PRKN: variants seen among roughly 807,000 people sequenced by gnomAD.
PRKN encodes the protein parkin RBR E3 ubiquitin protein ligase.
A neutral mutation model predicts 59.5 loss-of-function variants in PRKN; 56 were observed. That is an observed-to-expected ratio of 0.94 (90% confidence interval 0.76 to 1.18). PRKN has a LOEUF of 1.18. Ranked by LOEUF, PRKN falls within the 50% of genes most tolerant of loss-of-function variation. The probability of loss-of-function intolerance (pLI) is 0.00; values close to 1 mark genes in which losing one functional copy is unlikely to be tolerated. For missense variants in PRKN, 657 were observed against 596.4 expected (o/e 1.10, Z -1.06); for synonymous variants, 250 against 222.1 (o/e 1.13, Z -1.12).
chr6:162,077,405 C>T (rs1395923857), intron 4 of PRKN, among the ~76,000 whole-genome samples: 1 of 152,078 alleles, frequency 6.6e-6, no homozygotes, highest in Non-Finnish European at 1.5e-5. Flanking sequence ...ATTGTTAGAA[C>T]CTATCCCACC....
At chr6:162,605,892 C>A (rs1781895074) in intron 1 of PRKN, among the ~76,000 whole-genome samples, 1 of 151,986 alleles carries the variant, frequency 6.6e-6, no homozygotes, top group Non-Finnish European at 1.5e-5. Flanking sequence ...CATATTTAAG[C>A]CAACTATTTA....
At chr6:162,602,624 C>A (rs1444752783) in intron 1 of PRKN, among the ~76,000 whole-genome samples, 1 of 152,178 alleles carries the variant, frequency 6.6e-6, no homozygotes, top group Non-Finnish European at 1.5e-5. Context: ...TTGTAGGTAT[C>A]TGGGTTAGAG....
chr6:162,340,479 G>C (rs1456885822), intron 2 of PRKN, among the ~76,000 whole-genome samples: 1 of 152,152 alleles, frequency 6.6e-6, no homozygotes, highest in Non-Finnish European at 1.5e-5. Flanking sequence ...ATATCTAATA[G>C]AGTATTGCTT....
chr6:162,203,488 G>A (rs956505383), intron 3 of PRKN, among the ~76,000 whole-genome samples: 8 of 152,130 alleles, frequency 5.3e-5, no homozygotes, highest in Non-Finnish European at 1.0e-4. Context: ...CCTCCAGAAC[G>A]GCTTCCCTAT....
intron 2 of PRKN, among the ~76,000 whole-genome samples, chr6:162,371,749 C>A (rs1380165040): frequency 6.6e-6 from 1 of 152,326 alleles, no homozygotes; most frequent in African/African-American, 2.4e-5. Context: ...CTCATCACTT[C>A]TATTTCCAGT....
intron 5 of PRKN, among the ~76,000 whole-genome samples, chr6:162,029,456 A>C (rs562520879): frequency 1.5e-3 from 228 of 152,244 alleles, no homozygotes; most frequent in Non-Finnish European, 1.8e-3. Flanking sequence ...TATTTCCCAC[A>C]GGAGGTAATG....
At chr6:162,612,160 T>A (rs1583906118) in intron 1 of PRKN, among the ~76,000 whole-genome samples, 6 of 120,472 alleles carry the variant, frequency 5.0e-5, no homozygotes, top group Admixed American at 4.5e-4. Context: ...GCCACTGCAC[T>A]CCAGCCTCGG....
At chr6:162,050,138 G>A (rs1777573024) in intron 5 of PRKN, among the ~76,000 whole-genome samples, 1 of 152,090 alleles carries the variant, frequency 6.6e-6, no homozygotes, top group Non-Finnish European at 1.5e-5. Context: ...AACCTCGCAT[G>A]TCTCCTTTTT....
At chr6:162,207,279 G>A (rs202211787) in intron 3 of PRKN, among the ~76,000 whole-genome samples, 29 of 152,162 alleles carry the variant, frequency 1.9e-4, no homozygotes, top group Non-Finnish European at 2.4e-4. Context: ...GGCTGAGGCA[G>A]GAGAATCGCT....
intron 6 of PRKN, among the ~76,000 whole-genome samples, chr6:161,956,100 T>C (rs1315387307): frequency 1.3e-5 from 2 of 152,222 alleles, no homozygotes; most frequent in Non-Finnish European, 2.9e-5. Context: ...ACTGTCCATA[T>C]GTGATCAGCA....
chr6:161,425,197 C>T (rs576836565), intron 9 of PRKN, among the ~76,000 whole-genome samples: 10 of 152,134 alleles, frequency 6.6e-5, no homozygotes, highest in Non-Finnish European at 1.0e-4. Context: ...TTTGACCCCA[C>T]TAGTCTTGGA....
At chr6:162,713,935 A>T (rs1778631886) in intron 1 of PRKN, among the ~76,000 whole-genome samples, 1 of 152,252 alleles carries the variant, frequency 6.6e-6, no homozygotes, top group Non-Finnish European at 1.5e-5. Context: ...TGTGCTAAAA[A>T]TTAAGAAAAT....
At chr6:161,872,540 T>G (rs1346947606) in intron 6 of PRKN, among the ~76,000 whole-genome samples, 1 of 152,146 alleles carries the variant, frequency 6.6e-6, no homozygotes, top group East Asian at 1.9e-4. Context: ...ATGTGGGCCC[T>G]GATCAACCCT....
At chr6:162,414,709 T>TGAAAAAAAAAAAAAAAAAAAAAAAAAA (rs373871165) in intron 2 of PRKN, among the ~76,000 whole-genome samples, 1 of 44,544 alleles carries the variant, frequency 2.2e-5, no homozygotes, top group Non-Finnish European at 3.7e-5. Flanking sequence ...AGACTCCGTC[T>TGAAAAAAAAAAAAAAAAAAAAAAAAAA]CAAAAAAAAA....
At chr6:162,453,230 T>C (rs1012706834) in intron 1 of PRKN, among the ~76,000 whole-genome samples, 10 of 152,158 alleles carry the variant, frequency 6.6e-5, no homozygotes, top group African/African-American at 1.7e-4. Context: ...TCTTAGAACA[T>C]AGCAACTGAT....
chr6:161,676,631 G>A (rs1785096729), intron 7 of PRKN, among the ~76,000 whole-genome samples: 1 of 152,200 alleles, frequency 6.6e-6, no homozygotes, highest in African/African-American at 2.4e-5. Flanking sequence ...CTGGGACAGA[G>A]ACCCTATGGC....
At chr6:161,553,924 G>C (rs9364602) in intron 8 of PRKN, among the ~76,000 whole-genome samples, 2 of 151,784 alleles carry the variant, frequency 1.3e-5, no homozygotes, top group Non-Finnish European at 2.9e-5. Context: ...CATCTTACAC[G>C]TTTCCTGCTC....
intron 1 of PRKN, among the ~76,000 whole-genome samples, chr6:162,616,434 C>T (rs1782420190): frequency 6.6e-6 from 1 of 152,048 alleles, no homozygotes; most frequent in Admixed American, 6.6e-5. Flanking sequence ...TGTAATTACC[C>T]CATTAAATGC....
intron 7 of PRKN, among the ~76,000 whole-genome samples, chr6:161,764,447 G>C (rs910426456): frequency 4.6e-5 from 7 of 152,270 alleles, no homozygotes; most frequent in African/African-American, 7.2e-5. Context: ...AACCGTCTTT[G>C]TTTTTACTTA....
Sources: allele counts gnomAD v4.1 joint callset (sites outside exome capture counted in the v4.1 genomes callset), GRCh38; gene constraint gnomAD v4.1.1; transcripts MANE v1.5; gene names NCBI Gene and HGNC (gene_info 2026-07-23, HGNC 2026-07-21).